FGG: variants seen among roughly 807,000 people sequenced by gnomAD.
The protein encoded by FGG is fibrinogen, gamma polypeptide.
A neutral mutation model predicts 51.7 loss-of-function variants in FGG; 20 were observed. The observed-to-expected ratio is 0.39, with a 90% CI of 0.27 to 0.56. The LOEUF (loss-of-function observed/expected upper bound fraction) is 0.56. Ranked by LOEUF, FGG falls within the 20% of genes least tolerant of loss-of-function variation. FGG has a pLI of 0.64. For missense variants in FGG, 460 were observed against 534.2 expected (o/e 0.86, Z 1.37); for synonymous variants, 184 against 184.7 (o/e 1.00, Z 0.03).
At chr4:154,604,159 A>C (rs1378234717), downstream of FGG, 2 of 468,452 alleles carry the variant, frequency 4.3e-6, no homozygotes, top group Non-Finnish European at 7.6e-6. Context: ...CAAAAGGTTT[A>C]TTGAAATGCA....
Position 154,606,841 on chromosome 4 carries a change from T to C in FGG, c.993A>G (p.Thr331=). The C allele has an allele frequency of 6.2e-7, 1 of 1,613,992 alleles. No individual in the cohort carries two copies. The highest frequency in any genetic ancestry group is 8.5e-7 in the Non-Finnish European group (1 of 1,179,898). The change falls in exon 8 of 9, where the codon ACA becomes ACG. Residue 331 remains threonine, a synonymous_variant. Coordinates refer to ENST00000336098, the MANE Select transcript of FGG (RefSeq NM_021870.3). Reference sequence around the variant, plus strand: ...TACTGAACTGCATGCCATTATGGGATGTGAAAAACTTGTCACTAGGATCAT... The same window carrying C: ...TACTGAACTGCATGCCATTATGGGACGTGAAAAACTTGTCACTAGGATCAT... The part of the protein sequence containing the change: ...FGDDPSDKFF[T]SHNGMQFSTW...
intron 4 of FGG, 83 bp from the exon 5 acceptor site, chr4:154,610,280 G>A: frequency 9.2e-7 from 1 of 1,091,392 alleles, no homozygotes; most frequent in Non-Finnish European, 1.3e-6. Flanking sequence ...TATTTTCTTT[G>A]GAAACTGCTA....
intron 8 of FGG, 85 bp from the exon 9 acceptor site, chr4:154,605,151 G>T: frequency 2.9e-6 from 4 of 1,394,924 alleles, no homozygotes; most frequent in Non-Finnish European, 4.0e-6. Flanking sequence ...ATTACGAAGT[G>T]CATTGCCAGT....
Position 154,604,216 on chromosome 4 carries a change from A to G in FGG, c.*618T>C. On this transcript the variant is annotated 3_prime_UTR_variant, in exon 9 of 9. Transcript: ENST00000336098. ...ATAAAACTGTTATGGAGTTTTCAAC[A>G]TGGGGTCTTTTGCTCTTAAAATGAA... The G allele has an allele frequency of 3.0e-6, 2 of 661,084 alleles. No individual in the cohort carries two copies. Among genetic ancestry groups the G allele is most frequent in the South Asian group, 2.6e-5 (1 of 37,804 alleles). 41.0% of individuals were successfully genotyped at this position (661,084 alleles called of 1,614,324 possible).
intron 7 of FGG, among the ~76,000 whole-genome samples, chr4:154,608,001 G>T (rs1214373785): frequency 2.6e-5 from 4 of 152,156 alleles, no homozygotes; most frequent in African/African-American, 7.2e-5. Context: ...GTCTGAAGAG[G>T]CTGTATTTGC....
Position 154,609,614 on chromosome 4 carries a change from G to A in FGG, c.666+16C>T, listed in dbSNP as rs1286247599. ...TGTAGGAATTTATTAAATACACATG[G>A]TGGGGAAAAAATTACCTTCTGAAAC... On this transcript the variant is annotated intron_variant, in intron 6 of 8. Transcript: ENST00000336098. 2 of 1,613,600 alleles carry A rather than the reference G, an allele frequency of 1.2e-6. No homozygotes were observed. The highest frequency in any genetic ancestry group is 8.5e-7 in the Non-Finnish European group (1 of 1,179,800).
At position 154,610,121 on chromosome 4, in the gene FGG, G is replaced by C; in HGVS notation, c.478C>G (p.Gln160Glu). The C allele has an allele frequency of 6.2e-7, 1 of 1,613,626 alleles. No individual in the cohort carries two copies. Residue 160 changes from glutamine (Q) to glutamate (E), a missense_variant, in exon 5 of 9, where the codon CAG becomes GAG. Physicochemically the swap from Gln to Glu is conservative, Grantham distance 29 (BLOSUM62 2). Transcript: ENST00000336098. ...LKEKVAQLEA[Q>E]CQEPCKDTVQ... ...GTGTCTTTGCAAGGTTCCTGGCACTGTGCTTCAAGCTGGGCTACCTTCTCT... is the reference window on the plus strand; with the variant it reads ...GTGTCTTTGCAAGGTTCCTGGCACTCTGCTTCAAGCTGGGCTACCTTCTCT...
At chr4:154,612,312 A>T in intron 2 of FGG, 79 bp downstream of exon 2, 1 of 1,587,364 alleles carries the variant, frequency 6.3e-7, no homozygotes, top group Non-Finnish European at 8.6e-7. Flanking sequence ...GTGCCAGATG[A>T]TATTTATGAG....
chr4:154,606,318 G>A (rs768013307), intron 8 of FGG, among the ~76,000 whole-genome samples: 4 of 152,218 alleles, frequency 2.6e-5, no homozygotes, highest in Middle Eastern at 6.8e-3. Context: ...TGTTCACTGC[G>A]TGTATCTGAC....
intron 7 of FGG, among the ~76,000 whole-genome samples, chr4:154,607,481 G>A (rs1024414288): frequency 6.6e-6 from 1 of 152,144 alleles, no homozygotes; most frequent in Non-Finnish European, 1.5e-5. Context: ...AATCAGTGTG[G>A]TAGTGGCAAG....
rs1366450021 is a variant in FGG at position 154,611,791 on chromosome 4, A to G, written c.401+14T>C. 2 of 1,575,456 alleles carry G rather than the reference A, an allele frequency of 1.3e-6. No homozygotes were observed. Among genetic ancestry groups the G allele is most frequent in the Non-Finnish European group, 8.7e-7 (1 of 1,149,518 alleles). ...AATCAGTCTTGCAGAGCAAATTAAA[A>G]CAAAAATCCTTACCGAATACTTGAG... On this transcript the variant is annotated intron_variant, in intron 4 of 8. Transcript: ENST00000336098.
Position 154,604,899 on chromosome 4 carries a change from G to C in FGG, c.1297C>G (p.Gln433Glu). ...GQQHHLGGAK[Q>E]VRPEHPAETE... ...TCCGCAGGGTGCTCTGGTCTGACCT[G>C]TTTGGCTCCCCCCAGGTGGTGTTGC... Residue 433 changes from glutamine (Q) to glutamate (E), a missense_variant, in exon 9 of 9, where the codon CAG becomes GAG. Physicochemically the swap from Gln to Glu is conservative, Grantham distance 29. Transcript: ENST00000336098. 6.2e-7 allele frequency: 1 copy of C among 1,614,150 alleles called. No individual in the cohort carries two copies.
chr4:154,609,565 G>A, intron 6 of FGG, 65 bp downstream of exon 6: 28 of 1,589,154 alleles, frequency 1.8e-5, no homozygotes, highest in Non-Finnish European at 2.4e-5. Context: ...GCTTAGAAAA[G>A]TATCTGCCAT....
rs1560834869 is a variant in FGG at position 154,608,506 on chromosome 4, C to A, written c.811G>T (p.Ala271Ser). Residue 271 changes from alanine (A) to serine (S), a missense_variant, in exon 7 of 9, where the codon GCA becomes TCA. Ala to Ser is a moderately conservative substitution (Grantham distance 99). Around this residue, in one of 3 missense-constraint regions of FGG, gnomAD observed 353 missense variants for 391.7 expected, o/e 0.90. Transcript: ENST00000336098. ...LISTQSAIPY[A>S]LRVELEDWNG... The stretch of plus-strand genomic sequence containing the variant: ...CAGTCTTCCAGTTCCACTCTTAATG[C>A]ATATGGGATGGCAGACTGTGTGCTT... The A allele has an allele frequency of 2.5e-6, 4 of 1,613,710 alleles. No individual in the cohort carries two copies. In the South Asian group the frequency reaches 3.3e-5, roughly 13 times the overall value.
intron 8 of FGG, 130 bp from the exon 9 acceptor site, chr4:154,605,196 A>G (rs1731076407): frequency 1.2e-6 from 1 of 831,566 alleles, no homozygotes; most frequent in South Asian, 1.6e-5. Context: ...GCTAACTGAA[A>G]ATATCTCCAA....
chr4:154,611,927 T>C (rs2110850367), intron 3 of FGG, 29 bp from the exon 4 acceptor site: 1 of 1,605,202 alleles, frequency 6.2e-7, no homozygotes, highest in Admixed American at 1.7e-5. Flanking sequence ...GACATAAAAA[T>C]CCTTAAGCAA....
At chr4:154,612,241 A>T in intron 2 of FGG, 40 bp from the exon 3 acceptor site, 1 of 1,598,484 alleles carries the variant, frequency 6.3e-7, no homozygotes, top group Non-Finnish European at 8.6e-7. Context: ...GACAGATGCT[A>T]CTCTTAAAAT....
chr4:154,611,690 T>A, intron 4 of FGG, 115 bp downstream of exon 4: 1 of 708,136 alleles, frequency 1.4e-6, no homozygotes, highest in Middle Eastern at 3.9e-4. Flanking sequence ...AGGCATAATG[T>A]CACTGGGATA....
Position 154,612,065 on chromosome 4 carries a change from A to T in FGG, c.260T>A (p.Ile87Lys). 6.2e-7 allele frequency: 1 copy of T among 1,613,098 alleles called. No individual in the cohort carries two copies. The highest frequency in any genetic ancestry group is 1.3e-5 in the African/African-American group (1 of 75,030). ...ATTATAAGTGAGTTGGATTGCTTTTATCAGCTGTTTGACTTCTGATGTTTT... is the reference window on the plus strand; with the variant it reads ...ATTATAAGTGAGTTGGATTGCTTTTTTCAGCTGTTTGACTTCTGATGTTTT... Reference protein sequence around the residue: ...ENKTSEVKQLIKAIQLTYNPD... With the variant: ...ENKTSEVKQLKKAIQLTYNPD... Residue 87 changes from isoleucine (I) to lysine (K), a missense_variant, in exon 3 of 9, where the codon ATA (isoleucine) becomes AAA (lysine). Ile to Lys is a moderately radical substitution (Grantham distance 102). Transcript: ENST00000336098.
Sources: gnomAD v4.1 joint callset for allele counts (sites outside exome capture counted in the v4.1 genomes callset) on GRCh38, gnomAD v4.1.1 for gene constraint, gnomAD v4.1.1 regional missense constraint, MANE v1.5 for transcripts, NCBI Gene and HGNC (gene_info 2026-07-23, HGNC 2026-07-21) for gene names.